Variants in FOXN3 observed in about 807,000 individuals in gnomAD.
FOXN3 encodes the protein forkhead box protein N3.
In FOXN3, 7 loss-of-function variants were observed where a neutral mutation model predicts 38.4. That is an observed-to-expected ratio of 0.18 (90% CI 0.10 to 0.34). The LOEUF is 0.34. Ranked by LOEUF, FOXN3 falls within the 10% of genes least tolerant of loss-of-function variation. The pLI is 1.00. For synonymous variants in FOXN3, 230 were observed against 242.2 expected (o/e 0.95, Z 0.47); for missense variants, 456 against 613.4 (o/e 0.74, Z 2.71).
intron 1 of FOXN3, among the ~76,000 whole-genome samples, chr14:89,613,452 T>C (rs1341119931): frequency 1.3e-5 from 2 of 152,194 alleles, no homozygotes; most frequent in Non-Finnish European, 2.9e-5. Context: ...TTCTTTGAAA[T>C]GCAGGTGGGA....
intron 1 of FOXN3, among the ~76,000 whole-genome samples, chr14:89,457,133 C>T (rs1892742905): frequency 6.6e-6 from 1 of 152,206 alleles, no homozygotes; most frequent in African/African-American, 2.4e-5. Flanking sequence ...GGTTAATAAA[C>T]AACATGGCGA....
intron 3 of FOXN3, among the ~76,000 whole-genome samples, chr14:89,332,431 C>T (rs573781728): frequency 6.6e-6 from 1 of 152,294 alleles, no homozygotes; most frequent in South Asian, 2.1e-4. Context: ...TGGCCTCTCC[C>T]ACCATCAACA....
intron 3 of FOXN3, among the ~76,000 whole-genome samples, chr14:89,291,799 A>G (rs1209928471): frequency 1.3e-5 from 2 of 152,184 alleles, no homozygotes; most frequent in African/African-American, 4.8e-5. Context: ...TCTTAACCTC[A>G]GCATTACTGA....
chr14:89,550,770 T>G (rs902644459), intron 1 of FOXN3, among the ~76,000 whole-genome samples: 2 of 152,248 alleles, frequency 1.3e-5, no homozygotes, highest in Non-Finnish European at 2.9e-5. Context: ...GGTATAACTG[T>G]GACCACTGTT....
At chr14:89,575,747 T>C (rs1895597537) in intron 1 of FOXN3, among the ~76,000 whole-genome samples, 1 of 152,190 alleles carries the variant, frequency 6.6e-6, no homozygotes, top group Admixed American at 6.5e-5. Flanking sequence ...TAACAACTGT[T>C]TCTTATTTAG....
At chr14:89,567,090 G>A (rs991109863) in intron 1 of FOXN3, among the ~76,000 whole-genome samples, 1 of 152,172 alleles carries the variant, frequency 6.6e-6, no homozygotes, top group Non-Finnish European at 1.5e-5. Flanking sequence ...CAGACATCCA[G>A]GTGCGTTCCC....
chr14:89,581,966 C>T (rs1040118474), intron 1 of FOXN3, among the ~76,000 whole-genome samples: 17 of 152,166 alleles, frequency 1.1e-4, no homozygotes, highest in Non-Finnish European at 1.5e-5. Context: ...TGTAACAACT[C>T]TCCGAGGCAA....
intron 4 of FOXN3, among the ~76,000 whole-genome samples, chr14:89,228,726 C>T (rs1566934223): frequency 6.6e-6 from 1 of 152,202 alleles, no homozygotes; most frequent in Non-Finnish European, 1.5e-5. Context: ...GGGCTCAGTT[C>T]ATTTCCTGAC....
At position 89,615,116 on chromosome 14, in the gene FOXN3, A is replaced by AAT. The variant is rs1555362717; in HGVS notation, c.-15+3911_-15+3912insAT. 1.8e-3 allele frequency among the ~76,000 whole-genome samples: 195 copies of AAT among 106,788 alleles called. 1 individual carries two copies. Among genetic ancestry groups the AAT allele is most frequent in the African/African-American group, 6.6e-3 (183 of 27,660 alleles). The allele number at this position is 106,788 out of a possible 152,430, so 70.1% of individuals were successfully genotyped here. A position where few individuals can be genotyped will look rare whatever the true frequency, so the allele number is the denominator to read the frequency against. On this transcript the variant is annotated intron_variant, in intron 1 of 6. Transcript: ENST00000345097. ...TTTAGCCAACCCATCCCCAATTTCG[A>AAT]TTTTTTTTTTTTTTTTTTTTTTGCT...
chr14:89,441,159 C>G (rs61999700), intron 1 of FOXN3, among the ~76,000 whole-genome samples: 7,415 of 152,248 alleles, frequency 0.049, 214 homozygotes, highest in African/African-American at 0.069. Flanking sequence ...CCCCCAGAGG[C>G]CTTTGCACTG....
chr14:89,378,363 C>A (rs1278091970), intron 2 of FOXN3, among the ~76,000 whole-genome samples: 1 of 152,194 alleles, frequency 6.6e-6, no homozygotes. Flanking sequence ...CTCTCGTGCA[C>A]CCACAGGACT....
upstream of FOXN3, chr14:89,417,776 C>T (rs918529258): frequency 2.2e-6 from 1 of 455,034 alleles, no homozygotes; most frequent in Non-Finnish European, 4.4e-6. Flanking sequence ...CCTCTCCCAG[C>T]GACCACCTCG....
rs547912678 is a variant in FOXN3, at chr14:89,198,071, T to C, written c.746-17265A>G. Among the ~76,000 whole-genome samples the C allele has an allele frequency of 3.9e-5, 6 of 152,282 alleles. No individual in the cohort carries two copies. The East Asian group carries it at 1.2e-3, about 29-fold the overall frequency. ...TCTGTACCTGTGGTTTCCATATCCATGGATTTCATCAGCAAAGGATCAAAA... is the reference window on the plus strand; with the variant it reads ...TCTGTACCTGTGGTTTCCATATCCACGGATTTCATCAGCAAAGGATCAAAA... On this transcript the variant is annotated intron_variant, in intron 4 of 5. Coordinates refer to ENST00000557258, the MANE Select transcript of FOXN3 (RefSeq NM_005197.4).
chr14:89,558,290 G>T (rs551462944), intron 1 of FOXN3, among the ~76,000 whole-genome samples: 2 of 152,122 alleles, frequency 1.3e-5, no homozygotes, highest in Non-Finnish European at 1.5e-5. Flanking sequence ...CAGGCAAAAC[G>T]TAGTATGAAG....
chr14:89,488,462 G>A (rs1001225663), intron 1 of FOXN3, among the ~76,000 whole-genome samples: 3 of 151,888 alleles, frequency 2.0e-5, no homozygotes, highest in East Asian at 1.9e-4. Context: ...CCTGGGCAAC[G>A]GGGCAAAACC....
chr14:89,454,335 G>A (rs1341726891), intron 1 of FOXN3, among the ~76,000 whole-genome samples: 1 of 152,190 alleles, frequency 6.6e-6, no homozygotes, highest in East Asian at 1.9e-4. Flanking sequence ...GGGTGGCTGT[G>A]GCTGTCTGCA....
At chr14:89,475,684 A>G (rs1270917706) in intron 1 of FOXN3, among the ~76,000 whole-genome samples, 1 of 152,218 alleles carries the variant, frequency 6.6e-6, no homozygotes, top group Non-Finnish European at 1.5e-5. Flanking sequence ...TTAAAAGTTA[A>G]ACAAAAATAG....
rs1566680910 is a variant in FOXN3, at chr14:89,511,169, CTTTCTTTCTTTCTTTCTTTCT to C, written c.-14-98700_-14-98680del. On this transcript the variant is annotated intron_variant, in intron 1 of 6. Transcript: ENST00000345097. ...TCTTTCTTTCTTTCTTTCTTTCTTT[CTTTCTTTCTTTCTTTCTTTCT>C]TTTCTTTCTTTCTTTTCTTTCTTTC... Among the ~76,000 whole-genome samples, 8 of 16,086 alleles carry C rather than the reference CTTTCTTTCTTTCTTTCTTTCT, an allele frequency of 5.0e-4. 1 individual carries two copies. Among genetic ancestry groups the C allele is most frequent in the African/African-American group, 8.1e-4 (8 of 9,860 alleles). The allele number at this position is 16,086 out of a possible 152,430, so 10.6% of individuals were successfully genotyped here.
chr14:89,207,729 A>G (rs888059208), intron 4 of FOXN3, among the ~76,000 whole-genome samples: 2 of 152,346 alleles, frequency 1.3e-5, no homozygotes, highest in Admixed American at 6.5e-5. Context: ...AATATACTAA[A>G]CGTACTGTAC....
Sources: gnomAD v4.1 joint callset for allele counts (sites outside exome capture counted in the v4.1 genomes callset) on GRCh38, gnomAD v4.1.1 for gene constraint, MANE v1.5 for transcripts, NCBI Gene and HGNC (gene_info 2026-07-23, HGNC 2026-07-21) for gene names.